The following RBMS3 variants were observed in gnomAD, a reference collection of about 807,000 sequenced individuals.
The protein encoded by RBMS3 is RNA-binding motif, single-stranded-interacting protein 3.
RBMS3 carries 27 observed loss-of-function variants against 66.8 expected under a neutral mutation model. The ratio of observed to expected loss-of-function variants is 0.40; its 90% CI spans 0.30 to 0.56. The LOEUF is 0.56. Among genes scored for constraint, RBMS3 ranks in the 20% least tolerant of loss-of-function variants. RBMS3 has a pLI of 0.40. For missense variants in RBMS3, 513 were observed against 549.5 expected (o/e 0.93, Z 0.66); for synonymous variants, 188 against 183.0 (o/e 1.03, Z -0.22).
chr3:29,679,534 C>CT (rs977738297), intron 4 of RBMS3, among the ~76,000 whole-genome samples: 4 of 151,944 alleles, frequency 2.6e-5, no homozygotes, highest in Non-Finnish European at 5.9e-5. Flanking sequence ...ATGGATTTTC[C>CT]TTTTTTTCAG....
chr3:29,433,455 C>T (rs749536697), intron 1 of RBMS3, among the ~76,000 whole-genome samples: 64 of 152,262 alleles, frequency 4.2e-4, no homozygotes, highest in African/African-American at 1.5e-3. Context: ...AAGACAGATA[C>T]AAACCATGAA....
intron 4 of RBMS3, among the ~76,000 whole-genome samples, chr3:29,738,241 T>C (rs1467915818): frequency 6.6e-6 from 1 of 152,180 alleles, no homozygotes; most frequent in Non-Finnish European, 1.5e-5. Flanking sequence ...TATGATATCT[T>C]TTCACAAAAG....
chr3:29,362,564 C>T (rs772928089), intron 1 of RBMS3, among the ~76,000 whole-genome samples: 1 of 152,170 alleles, frequency 6.6e-6, no homozygotes, highest in Non-Finnish European at 1.5e-5. Flanking sequence ...AACTACTACT[C>T]TCTTCAAAGC....
At chr3:29,331,205 A>G (rs531664974) in intron 1 of RBMS3, among the ~76,000 whole-genome samples, 2 of 151,922 alleles carry the variant, frequency 1.3e-5, no homozygotes, top group African/African-American at 4.8e-5. Context: ...CCTTTTTACT[A>G]TTTCTGCACT....
chr3:29,869,958 C>A (rs1477675689), intron 7 of RBMS3, among the ~76,000 whole-genome samples: 6 of 152,126 alleles, frequency 3.9e-5, no homozygotes, highest in Admixed American at 3.3e-4. Flanking sequence ...ATCCTTTAGC[C>A]TTTTTTCAGT....
At chr3:29,639,589 TAGAC>T (rs1412768382) in intron 4 of RBMS3, among the ~76,000 whole-genome samples, 16 of 113,916 alleles carry the variant, frequency 1.4e-4, no homozygotes, top group East Asian at 1.1e-3. Flanking sequence ...AGATAGAAGA[TAGAC>T]AGAGAGAGAG....
intron 1 of RBMS3, among the ~76,000 whole-genome samples, chr3:29,350,672 G>C (rs4129221): frequency 2.0e-5 from 3 of 151,864 alleles, no homozygotes; most frequent in East Asian, 1.9e-4. Flanking sequence ...TCAGCATCGC[G>C]AATATGGAGT....
intron 6 of RBMS3, among the ~76,000 whole-genome samples, chr3:29,861,933 T>G (rs1303470343): frequency 6.6e-6 from 1 of 152,208 alleles, no homozygotes; most frequent in East Asian, 1.9e-4. Flanking sequence ...AGTCTGTGGC[T>G]TATAATGGCA....
At chr3:29,620,292 A>G in intron 4 of RBMS3, among the ~76,000 whole-genome samples, 1 of 152,134 alleles carries the variant, frequency 6.6e-6, no homozygotes, top group East Asian at 1.9e-4. Context: ...GGATGTTACA[A>G]CAAATTTTTT....
At chr3:30,003,277 C>T (rs1449142264) in intron 14 of RBMS3, among the ~76,000 whole-genome samples, 1 of 151,932 alleles carries the variant, frequency 6.6e-6, no homozygotes, top group Admixed American at 6.6e-5. Context: ...AGTTAAACAC[C>T]TATTGTGTAT....
At chr3:29,748,659 A>G (rs1006836764) in intron 5 of RBMS3, among the ~76,000 whole-genome samples, 1 of 152,182 alleles carries the variant, frequency 6.6e-6, no homozygotes, top group Non-Finnish European at 1.5e-5. Flanking sequence ...GGCATGATCA[A>G]AAGTCTCCAA....
intron 10 of RBMS3, among the ~76,000 whole-genome samples, chr3:29,902,000 T>TA (rs1347476543): frequency 2.6e-5 from 4 of 151,786 alleles, no homozygotes; most frequent in South Asian, 2.1e-4. Flanking sequence ...CACCCTATGA[T>TA]ACTAAAATAT....
chr3:29,490,339 G>T (rs1417555174), intron 3 of RBMS3, among the ~76,000 whole-genome samples: 2 of 152,002 alleles, frequency 1.3e-5, no homozygotes, highest in Non-Finnish European at 2.9e-5. Flanking sequence ...AAAAAAATCA[G>T]CTTAACTATT....
intron 6 of RBMS3, among the ~76,000 whole-genome samples, chr3:29,818,438 C>T (rs919932752): frequency 6.7e-6 from 1 of 150,018 alleles, no homozygotes; most frequent in African/African-American, 2.5e-5. Context: ...TTTTAGTTGT[C>T]GTTTGATATT....
chr3:29,385,121 T>C (rs1442114235), intron 1 of RBMS3, among the ~76,000 whole-genome samples: 1 of 152,220 alleles, frequency 6.6e-6, no homozygotes, highest in Non-Finnish European at 1.5e-5. Flanking sequence ...CATTACCTGA[T>C]GGTGTTTAGT....
At chr3:29,615,537 C>T (rs917045102) in intron 4 of RBMS3, among the ~76,000 whole-genome samples, 2 of 151,694 alleles carry the variant, frequency 1.3e-5, no homozygotes, top group African/African-American at 4.8e-5. Context: ...AAAAATGATG[C>T]TTCACATAAA....
chr3:29,712,447 G>C (rs115019064), intron 4 of RBMS3, among the ~76,000 whole-genome samples: 1 of 151,976 alleles, frequency 6.6e-6, no homozygotes, highest in Non-Finnish European at 1.5e-5. Context: ...CAAGTAGCTC[G>C]GGCTACGAAT....
At chr3:29,584,082 C>G (rs2149088672) in intron 3 of RBMS3, among the ~76,000 whole-genome samples, 1 of 152,252 alleles carries the variant, frequency 6.6e-6, no homozygotes, top group African/African-American at 2.4e-5. Flanking sequence ...TTCAACTACT[C>G]CAGCAGACTT....
At chr3:29,698,189 TA>T in intron 4 of RBMS3, 3 of 982,098 alleles carry the variant, frequency 3.1e-6, no homozygotes, top group Non-Finnish European at 2.4e-6. Flanking sequence ...ATTCTATTTA[TA>T]GCCACAGGAC....
Sources: gnomAD v4.1 joint callset for allele counts (sites outside exome capture counted in the v4.1 genomes callset) on GRCh38, gnomAD v4.1.1 for gene constraint, MANE v1.5 for transcripts, NCBI Gene and HGNC (gene_info 2026-07-23, HGNC 2026-07-21) for gene names.